Variants in FABP12 observed in about 807,000 individuals in gnomAD.
FABP12 encodes the protein fatty acid binding protein 12.
FABP12 carries 19 observed loss-of-function variants against 13.7 expected under a neutral mutation model. The observed-to-expected ratio is 1.39, with a 90% CI of 0.97 to 2.04. The LOEUF (loss-of-function observed/expected upper bound fraction) is 2.04. Among genes scored for constraint, FABP12 ranks in the 30% most tolerant of loss-of-function variants. FABP12 has a pLI of 0.00. For missense variants in FABP12, 182 were observed against 164.2 expected (o/e 1.11, Z -0.59); for synonymous variants, 61 against 57.0 (o/e 1.07, Z -0.32).
At chr8:81,526,484 C>T (rs1226367868) in intron 4 of FABP12, 1 of 152,170 alleles carries the variant, frequency 6.6e-6, no homozygotes, top group Non-Finnish European at 1.5e-5. Context: ...TTTCAGTTTC[C>T]TCACTGTTAA....
intron 3 of FABP12, among the ~76,000 whole-genome samples, chr8:81,528,863 C>T (rs1563541971): frequency 6.6e-6 from 1 of 152,178 alleles, no homozygotes; most frequent in Non-Finnish European, 1.5e-5. Context: ...AGGATGTCCA[C>T]AGGTGGTAGT....
chr8:81,556,172 A>G (rs1809612166), intron 1 of FABP12, among the ~76,000 whole-genome samples: 1 of 152,188 alleles, frequency 6.6e-6, no homozygotes, highest in Non-Finnish European at 1.5e-5. Context: ...TCCTGGTTCC[A>G]CAATAACACT....
At chr8:81,565,323 C>T (rs1216834715) in intron 1 of FABP12, among the ~76,000 whole-genome samples, 1 of 151,994 alleles carries the variant, frequency 6.6e-6, no homozygotes, top group Non-Finnish European at 1.5e-5. Context: ...TAATCTGCAT[C>T]ATAGACCAAA....
At chr8:81,539,214 T>C (rs1809288663) in intron 2 of FABP12, among the ~76,000 whole-genome samples, 1 of 152,136 alleles carries the variant, frequency 6.6e-6, no homozygotes, top group Admixed American at 6.5e-5. Flanking sequence ...TATTTGCAAT[T>C]GTCTTTATTA....
At chr8:81,556,683 T>C (rs1809622122) in intron 1 of FABP12, among the ~76,000 whole-genome samples, 2 of 149,264 alleles carry the variant, frequency 1.3e-5, no homozygotes, top group South Asian at 4.2e-4. Flanking sequence ...AGATCTTCTA[T>C]AACATCACAC....
chr8:81,543,131 T>C (rs79762656), intron 1 of FABP12, among the ~76,000 whole-genome samples: 4,248 of 152,314 alleles, frequency 0.028, 159 homozygotes, highest in African/African-American at 0.088. Context: ...AAATATCCAG[T>C]AGTAAAAGAC....
rs907422819 is a variant in FABP12 at position 81,533,788 on chromosome 8, G to T, written c.-76+14C>A. The stretch of plus-strand genomic sequence containing the variant: ...GGTGACATGGGGATCTGCACCACCT[G>T]CTCATGCAGTTACCTTAGGACTTCT... On this transcript the variant is annotated intron_variant, in intron 1 of 4. Coordinates refer to ENST00000360464, the Ensembl canonical transcript of FABP12. Among the ~76,000 whole-genome samples the T allele has an allele frequency of 6.6e-6, 1 of 152,248 alleles. No individual in the cohort carries two copies. Among genetic ancestry groups the T allele is most frequent in the East Asian group, 1.9e-4 (1 of 5,168 alleles).
chr8:81,572,939 C>T (rs74700913), intron 1 of FABP12, among the ~76,000 whole-genome samples: 8,135 of 147,920 alleles, frequency 0.055, 251 homozygotes, highest in South Asian at 0.11. Context: ...CCCTGCAAAA[C>T]TCCTTAGTTT....
chr8:81,529,738 A>T lies in FABP12; in HGVS notation c.74-128T>A, dbSNP rs531413668. 254 of 876,944 alleles carry T rather than the reference A, an allele frequency of 2.9e-4. 6 individuals are homozygous for T. The South Asian group carries it at 4.4e-3, about 15-fold the overall frequency. 54.3% of individuals were successfully genotyped at this position (876,944 alleles called of 1,614,324 possible). A position where few individuals can be genotyped will look rare whatever the true frequency, so the allele number is the denominator to read the frequency against. ...ACATTATCTGTATAATTCTTTGCTA[A>T]CTAGGAGGTTTGCGAATTGAACAGA... On this transcript the variant is annotated intron_variant, in intron 2 of 4. Transcript: ENST00000360464.
intron 1 of FABP12, among the ~76,000 whole-genome samples, chr8:81,548,649 C>T (rs1011254137): frequency 1.3e-5 from 2 of 152,148 alleles, no homozygotes; most frequent in Non-Finnish European, 2.9e-5. Context: ...TCGGGCCTCT[C>T]TATACTTTGC....
intron 1 of FABP12, among the ~76,000 whole-genome samples, chr8:81,576,448 C>T (rs1240533781): frequency 6.6e-6 from 1 of 151,954 alleles, no homozygotes; most frequent in East Asian, 1.9e-4. Context: ...ATCGAAATTT[C>T]GAGGGCCTTG....
intron 1 of FABP12, among the ~76,000 whole-genome samples, chr8:81,570,457 A>G (rs1490630726): frequency 2.6e-5 from 4 of 152,212 alleles, no homozygotes; most frequent in Non-Finnish European, 2.9e-5. Context: ...AAAACAGTTC[A>G]GAGAAGACCG....
At chr8:81,564,513 T>C (rs547697614) in intron 1 of FABP12, among the ~76,000 whole-genome samples, 2 of 151,834 alleles carry the variant, frequency 1.3e-5, no homozygotes, top group Non-Finnish European at 2.9e-5. Flanking sequence ...AAGATACAAA[T>C]AAAAACAACA....
intron 1 of FABP12, among the ~76,000 whole-genome samples, chr8:81,566,848 G>C (rs1197650123): frequency 6.6e-6 from 1 of 151,950 alleles, no homozygotes; most frequent in African/African-American, 2.4e-5. Flanking sequence ...CATACAAATT[G>C]GAAAGGAAGA....
chr8:81,527,426 G>A (rs971643387), intron 3 of FABP12, among the ~76,000 whole-genome samples: 2 of 151,926 alleles, frequency 1.3e-5, no homozygotes, highest in Admixed American at 6.6e-5. Context: ...GCAATGGTGC[G>A]ATCTTGGCTC....
chr8:81,539,810 G>C (rs533507859), intron 1 of FABP12, among the ~76,000 whole-genome samples: 1 of 152,200 alleles, frequency 6.6e-6, no homozygotes, highest in African/African-American at 2.4e-5. Flanking sequence ...TTCAGACCCT[G>C]CTGGGTTCCC....
At chr8:81,570,849 G>A (rs532931907) in intron 1 of FABP12, among the ~76,000 whole-genome samples, 2 of 152,134 alleles carry the variant, frequency 1.3e-5, no homozygotes, top group Non-Finnish European at 2.9e-5. Context: ...GCCTAGAAAA[G>A]GTACCACAGG....
intron 1 of FABP12, chr8:81,532,997 T>C (rs1166962841): frequency 6.6e-6 from 1 of 152,148 alleles, no homozygotes; most frequent in Non-Finnish European, 1.5e-5. Flanking sequence ...TTCCCAGGAT[T>C]TTTCAAGAAA....
chr8:81,541,659 G>T (rs1809346043), intron 1 of FABP12, among the ~76,000 whole-genome samples: 1 of 152,002 alleles, frequency 6.6e-6, no homozygotes, highest in African/African-American at 2.4e-5. Flanking sequence ...CCTGCTACCT[G>T]CCAAAGGCTT....
Sources: allele counts gnomAD v4.1 joint callset (sites outside exome capture counted in the v4.1 genomes callset), GRCh38; gene constraint gnomAD v4.1.1; transcripts MANE v1.5; gene names NCBI Gene and HGNC (gene_info 2026-07-23, HGNC 2026-07-21).